RIMKLB: variants seen among roughly 807,000 people sequenced by gnomAD.
RIMKLB encodes beta-citrylglutamate synthase B.
A neutral mutation model predicts 32.0 loss-of-function variants in RIMKLB; 7 were observed. The observed-to-expected ratio is 0.22, with a 90% confidence interval of 0.12 to 0.41. The LOEUF (loss-of-function observed/expected upper bound fraction) is 0.41. RIMKLB is among the 10% of genes least tolerant of loss of function. The probability of loss-of-function intolerance (pLI) is 1.00; values close to 1 mark genes in which losing one functional copy is unlikely to be tolerated. For synonymous variants in RIMKLB, 172 were observed against 185.1 expected, an observed-to-expected ratio of 0.93 and a Z score of 0.57; for missense variants, 289 against 498.7, an observed-to-expected ratio of 0.58 and a Z score of 4.00.
In RIMKLB at chr12:8,713,838, T is replaced by C. The variant is rs1398253445; in HGVS notation, c.-29T>C. On this transcript the variant is annotated 5_prime_UTR_variant, in exon 2 of 6. Transcript: ENST00000535829. ...AGACGTTACATCCAAGAGGAAATAA[T>C]CCAGGCAAGGAAGCACAAGCTGATC... 1 of 1,613,230 alleles carries C rather than the reference T, an allele frequency of 6.2e-7. No homozygotes were observed. Among genetic ancestry groups the C allele is most frequent in the East Asian group, 2.2e-5 (1 of 44,890 alleles).
intron 1 of RIMKLB, among the ~76,000 whole-genome samples, chr12:8,703,715 T>C (rs1453552328): frequency 6.6e-6 from 1 of 152,230 alleles, no homozygotes; most frequent in African/African-American, 2.4e-5. Context: ...TCACTGTGCC[T>C]GGCCCCTACC....
chr12:8,774,634 A>C lies in RIMKLB; in HGVS notation c.*850A>C. The stretch of plus-strand genomic sequence containing the variant: ...TTCCTGCTCTATGCCTGCATCTTTA[A>C]CAATGGCCAAAGTGAAGAAAATGCT... On this transcript the variant is annotated 3_prime_UTR_variant, in exon 6 of 6. Coordinates refer to ENST00000535829, the MANE Select transcript of RIMKLB (RefSeq NM_001297776.2). 1.0e-6 allele frequency: 1 copy of C among 985,208 alleles called. No homozygotes were observed. Among genetic ancestry groups the C allele is most frequent in the Non-Finnish European group, 1.2e-6 (1 of 829,748 alleles). The allele number at this position is 985,208 out of a possible 1,614,324, so 61.0% of individuals were successfully genotyped here.
At chr12:8,674,279 C>T in the RIMKLB span, among the ~76,000 whole-genome samples, 1 of 142,396 alleles carries the variant, frequency 7.0e-6, no homozygotes, top group Non-Finnish European at 1.5e-5. Flanking sequence ...CGCTCCATTG[C>T]CCAGGCTGGA....
At chr12:8,687,582 C>T (rs1303085976) in intron 1 of RIMKLB, among the ~76,000 whole-genome samples, 2 of 152,140 alleles carry the variant, frequency 1.3e-5, no homozygotes, top group Non-Finnish European at 2.9e-5. Flanking sequence ...TGTAAGTCCC[C>T]AAGTTGCCCT....
chr12:8,704,382 C>CAA (rs536532279), intron 1 of RIMKLB, among the ~76,000 whole-genome samples: 3,793 of 126,638 alleles, frequency 0.03, 167 homozygotes, highest in African/African-American at 0.1. Context: ...GACCCTGTCT[C>CAA]AAAAAAAAAA....
intron 5 of RIMKLB, among the ~76,000 whole-genome samples, chr12:8,763,502 C>T (rs191429231): frequency 2.0e-5 from 3 of 152,310 alleles, no homozygotes; most frequent in Admixed American, 6.5e-5. Flanking sequence ...TGTTATGCCA[C>T]GGAACCCTCT....
At chr12:8,748,606 T>A (rs916715604) in intron 2 of RIMKLB, among the ~76,000 whole-genome samples, 3 of 147,940 alleles carry the variant, frequency 2.0e-5, no homozygotes, top group Non-Finnish European at 3.0e-5. Flanking sequence ...ATTTATATAT[T>A]TTTTATATAT....
At chr12:8,766,178 C>T (rs866631830) in intron 5 of RIMKLB, among the ~76,000 whole-genome samples, 1 of 152,264 alleles carries the variant, frequency 6.6e-6, no homozygotes, top group East Asian at 1.9e-4. Context: ...AGTCCTAGAG[C>T]GTCCTCTATG....
downstream of RIMKLB, chr12:8,779,820 T>C (rs1173847899): frequency 1.3e-5 from 2 of 152,228 alleles, no homozygotes; most frequent in Admixed American, 6.5e-5. Context: ...AAGACGTTTA[T>C]GCTGTGTTGA....
intron 2 of RIMKLB, among the ~76,000 whole-genome samples, chr12:8,717,293 A>G (rs895752530): frequency 7.9e-5 from 12 of 152,314 alleles, no homozygotes; most frequent in African/African-American, 2.2e-4. Context: ...GAATTTTACA[A>G]TATGTGAATT....
chr12:8,713,584 A>C (rs112904893), intron 1 of RIMKLB, among the ~76,000 whole-genome samples: 3,761 of 152,296 alleles, frequency 0.025, 146 homozygotes, highest in African/African-American at 0.085. Context: ...TTGCAGTGCC[A>C]GTTTCCCCAA....
intron 5 of RIMKLB, among the ~76,000 whole-genome samples, chr12:8,770,316 G>A (rs1950305768): frequency 1.3e-5 from 2 of 152,154 alleles, no homozygotes; most frequent in Non-Finnish European, 2.9e-5. Flanking sequence ...GAAATCCCTA[G>A]TCTCATTGAC....
At chr12:8,746,611 AAAAAAG>A (rs1948116848) in intron 2 of RIMKLB, among the ~76,000 whole-genome samples, 1 of 151,758 alleles carries the variant, frequency 6.6e-6, no homozygotes, top group African/African-American at 2.4e-5. Flanking sequence ...AAAAAAAAAA[AAAAAAG>A]AAAAAGATAT....
chr12:8,747,792 A>G (rs763120207), intron 2 of RIMKLB, among the ~76,000 whole-genome samples: 29 of 150,366 alleles, frequency 1.9e-4, no homozygotes, highest in East Asian at 7.8e-4. Flanking sequence ...GTCTCACTCT[A>G]TTGTCCAGGC....
At chr12:8,685,731 G>A (rs183562727) in intron 1 of RIMKLB, among the ~76,000 whole-genome samples, 222 of 149,724 alleles carry the variant, frequency 1.5e-3, no homozygotes, top group African/African-American at 4.7e-3. Flanking sequence ...TGCAACCTCC[G>A]CCTTCCGGTT....
chr12:8,733,870 C>A (rs2137346847), intron 2 of RIMKLB, among the ~76,000 whole-genome samples: 1 of 152,224 alleles, frequency 6.6e-6, no homozygotes, highest in South Asian at 2.1e-4. Context: ...CACAGTGAGA[C>A]CCTGTCTCTG....
the RIMKLB span, chr12:8,669,029 T>C: frequency 6.6e-6 from 1 of 151,938 alleles, no homozygotes; most frequent in South Asian, 2.1e-4. Context: ...TCTTAGTCCA[T>C]TTGTGTTGCT....
chr12:8,729,041 G>A (rs998284299), intron 2 of RIMKLB, among the ~76,000 whole-genome samples: 3 of 152,072 alleles, frequency 2.0e-5, no homozygotes, highest in African/African-American at 7.2e-5. Context: ...GTGCTTTTGG[G>A]TGCTGGCAAG....
In RIMKLB at chr12:8,708,007, A is replaced by G. The variant is rs762107846; in HGVS notation, c.-56-5804A>G. On this transcript the variant is annotated intron_variant, in intron 1 of 5. Coordinates refer to ENST00000535829, the MANE Select transcript of RIMKLB (RefSeq NM_001297776.2). Reference sequence around the variant, plus strand: ...ATGGAATAAATGCTATTAAAATTCTATCGTATGTTACAATAGAATTCTATA... The same window carrying G: ...ATGGAATAAATGCTATTAAAATTCTGTCGTATGTTACAATAGAATTCTATA... 4.6e-5 allele frequency among the ~76,000 whole-genome samples: 7 copies of G among 152,300 alleles called. No homozygotes were observed. The South Asian group carries it at 8.3e-4, about 18-fold the overall frequency.
Sources: allele counts gnomAD v4.1 joint callset (sites outside exome capture counted in the v4.1 genomes callset), GRCh38; gene constraint gnomAD v4.1.1; transcripts MANE v1.5; gene names NCBI Gene and HGNC (gene_info 2026-07-23, HGNC 2026-07-21).